CDC42BPA: variants seen among roughly 807,000 people sequenced by gnomAD.
CDC42BPA encodes serine/threonine-protein kinase MRCK alpha.
Under a neutral mutation model 223.5 loss-of-function variants are expected in CDC42BPA, and 80 were observed. That is an observed-to-expected ratio of 0.36 (90% CI 0.30 to 0.43). The LOEUF (loss-of-function observed/expected upper bound fraction) is 0.43. Ranked by LOEUF, CDC42BPA falls within the 20% of genes least tolerant of loss-of-function variation. The pLI, the probability that CDC42BPA is intolerant of heterozygous loss-of-function variation, is 1.00. For synonymous variants in CDC42BPA, 694 were observed against 718.6 expected (o/e 0.97, Z 0.55); for missense variants, 1,743 against 2,099.9 (o/e 0.83, Z 3.32).
At chr1:227,124,705 A>G (rs1004196529) in intron 11 of CDC42BPA, among the ~76,000 whole-genome samples, 6 of 152,176 alleles carry the variant, frequency 3.9e-5, no homozygotes, top group African/African-American at 1.2e-4. Context: ...AAATACATGC[A>G]TAATAATGAA....
At chr1:227,142,584 A>G (rs1194744915) in intron 9 of CDC42BPA, among the ~76,000 whole-genome samples, 1 of 151,734 alleles carries the variant, frequency 6.6e-6, no homozygotes, top group Non-Finnish European at 1.5e-5. Flanking sequence ...ACGAACCTCA[A>G]TTCAATTTAA....
At chr1:227,000,129 A>C (rs1662504812) in intron 35 of CDC42BPA, among the ~76,000 whole-genome samples, 1 of 58,396 alleles carries the variant, frequency 1.7e-5, no homozygotes, top group Non-Finnish European at 5.2e-5. Context: ...TAATAATAAT[A>C]ATAATAAGCT....
At chr1:227,237,955 C>G (rs1274462714) in intron 2 of CDC42BPA, among the ~76,000 whole-genome samples, 1 of 145,058 alleles carries the variant, frequency 6.9e-6, no homozygotes, top group Non-Finnish European at 1.5e-5. Context: ...AGGAGAATTG[C>G]TTGAACCCAG....
chr1:227,193,528 A>T (rs1303283272), intron 5 of CDC42BPA: 2 of 364,376 alleles, frequency 5.5e-6, no homozygotes, highest in African/African-American at 4.2e-5. Context: ...CCTAGTCTCC[A>T]ATGTCTATTA....
chr1:227,040,890 T>C (rs11802395), intron 23 of CDC42BPA, among the ~76,000 whole-genome samples: 23,496 of 152,148 alleles, frequency 0.15, 2,207 homozygotes, highest in African/African-American at 0.25. Flanking sequence ...CAAATGTAGA[T>C]TTTATCTCTT....
chr1:227,041,674 A>G (rs979233599), intron 23 of CDC42BPA, among the ~76,000 whole-genome samples: 2 of 152,214 alleles, frequency 1.3e-5, no homozygotes, highest in African/African-American at 4.8e-5. Context: ...CATTAGTCAG[A>G]GAATGGGGTG....
chr1:227,316,519 T>C (rs1280149078), intron 1 of CDC42BPA, among the ~76,000 whole-genome samples: 3 of 152,210 alleles, frequency 2.0e-5, no homozygotes, highest in East Asian at 1.9e-4. Context: ...TTGTACTATG[T>C]AGAGATGAAA....
chr1:227,289,049 CAA>C (rs1334511811), intron 1 of CDC42BPA, among the ~76,000 whole-genome samples: 1 of 151,990 alleles, frequency 6.6e-6, no homozygotes, highest in African/African-American at 2.4e-5. Context: ...AATGATATCA[CAA>C]ATCTCCATCT....
chr1:227,026,141 G>A lies in CDC42BPA; in HGVS notation c.4444C>T (p.Pro1482Ser). The change falls in exon 31 of 37, where the codon CCA becomes TCA. Residue 1482 changes from proline to serine, a missense_variant. Pro to Ser is a moderately conservative substitution (Grantham distance 74). This residue lies in a region of CDC42BPA where 678 missense variants were observed against 777.5 expected (regional missense o/e 0.87). Transcript: ENST00000366766. Reference sequence around the variant, plus strand: ...TTTTCACTGTACACCGAGAGATATGGTGCATTGTAACCTGGGAGAAGGGAA... The same window carrying A: ...TTTTCACTGTACACCGAGAGATATGATGCATTGTAACCTGGGAGAAGGGAA... ...ANPSSCCYNA[P>S]YLSVYSENAV... 3 of 1,594,936 alleles carry A rather than the reference G, an allele frequency of 1.9e-6. No individual in the cohort carries two copies. The highest frequency in any genetic ancestry group is 1.1e-5 in the South Asian group (1 of 89,286).
intron 10 of CDC42BPA, among the ~76,000 whole-genome samples, chr1:227,130,006 T>A (rs1656738796): frequency 6.6e-6 from 1 of 152,144 alleles, no homozygotes; most frequent in African/African-American, 2.4e-5. Context: ...AAATATTTAG[T>A]TAAAATAGAA....
At chr1:227,134,000 A>AAAT (rs1439042894) in intron 10 of CDC42BPA, among the ~76,000 whole-genome samples, 8 of 44,546 alleles carry the variant, frequency 1.8e-4, no homozygotes, top group East Asian at 1.3e-3. Flanking sequence ...AATAAATAAA[A>AAAT]AAGAAATTCA....
At chr1:227,179,002 G>T (rs1667445218) in intron 5 of CDC42BPA, among the ~76,000 whole-genome samples, 1 of 152,114 alleles carries the variant, frequency 6.6e-6, no homozygotes, top group African/African-American at 2.4e-5. Flanking sequence ...ACCTGGTTGA[G>T]ATCATATGTC....
At chr1:227,079,779 G>A (rs1253566020) in intron 17 of CDC42BPA, among the ~76,000 whole-genome samples, 1 of 151,710 alleles carries the variant, frequency 6.6e-6, no homozygotes, top group African/African-American at 2.4e-5. Context: ...ACAAATGACT[G>A]ATCTATAAAT....
intron 17 of CDC42BPA, among the ~76,000 whole-genome samples, chr1:227,078,770 T>C (rs1371695311): frequency 2.6e-5 from 4 of 152,140 alleles, no homozygotes. Context: ...AAGTGCTATA[T>C]GTCATGAGGT....
chr1:227,147,566 A>G lies in CDC42BPA; in HGVS notation c.694-7T>C. 1 of 1,538,142 alleles carries G rather than the reference A, an allele frequency of 6.5e-7. No homozygotes were observed. Among genetic ancestry groups the G allele is most frequent in the Non-Finnish European group, 8.8e-7 (1 of 1,138,094 alleles). ...CAGCCACTGAGGACTGAACCTGAAG[A>G]AATTTACATTTTTATTAATCTCCTA... On this transcript the variant is annotated splice_region_variant and splice_polypyrimidine_tract_variant and intron_variant, in intron 6 of 36. Coordinates refer to ENST00000366766, the MANE Select transcript of CDC42BPA (RefSeq NM_001394014.1).
At chr1:227,134,397 C>G (rs1351634000) in intron 10 of CDC42BPA, among the ~76,000 whole-genome samples, 1 of 152,198 alleles carries the variant, frequency 6.6e-6, no homozygotes, top group Non-Finnish European at 1.5e-5. Flanking sequence ...TTGGAAATAT[C>G]TGGCGATCCT....
At chr1:227,093,517 T>C (rs1683449488) in intron 15 of CDC42BPA, among the ~76,000 whole-genome samples, 1 of 152,192 alleles carries the variant, frequency 6.6e-6, no homozygotes, top group Admixed American at 6.5e-5. Context: ...ACCAGCTATG[T>C]GGACTCCAGA....
At chr1:227,162,861 A>T (rs546217957) in intron 5 of CDC42BPA, among the ~76,000 whole-genome samples, 816 of 22,334 alleles carry the variant, frequency 0.037, 8 homozygotes, top group African/African-American at 0.15. Flanking sequence ...AAATAAAATA[A>T]ATATATATGT....
chr1:227,185,670 C>G (rs10799399), intron 5 of CDC42BPA, among the ~76,000 whole-genome samples: 137,039 of 151,894 alleles, frequency 0.9, 62,263 homozygotes, highest in Middle Eastern at 0.96. Context: ...TCTGTAGAGG[C>G]GAGCTTTTTC....
Sources: gnomAD v4.1 joint callset for allele counts (sites outside exome capture counted in the v4.1 genomes callset) on GRCh38, gnomAD v4.1.1 for gene constraint, gnomAD v4.1.1 regional missense constraint, MANE v1.5 for transcripts, NCBI Gene and HGNC (gene_info 2026-07-23, HGNC 2026-07-21) for gene names.